The following CCDC170 variants were observed in gnomAD, a reference collection of about 807,000 sequenced individuals.
CCDC170 encodes the protein coiled-coil domain-containing protein 170.
Under a neutral mutation model 72.6 loss-of-function variants are expected in CCDC170, and 69 were observed. The ratio of observed to expected loss-of-function variants is 0.95; its 90% CI spans 0.78 to 1.16. The LOEUF (loss-of-function observed/expected upper bound fraction) is 1.16. Among genes scored for constraint, CCDC170 ranks in the 50% most tolerant of loss-of-function variants. The probability of loss-of-function intolerance (pLI) is 0.00; values close to 1 mark genes in which losing one functional copy is unlikely to be tolerated. For synonymous variants in CCDC170, 300 were observed against 303.9 expected (o/e 0.99, Z 0.13); for missense variants, 852 against 832.5 (o/e 1.02, Z -0.29).
intron 1 of CCDC170, among the ~76,000 whole-genome samples, chr6:151,535,524 A>G (rs1282989153): frequency 6.6e-6 from 1 of 152,244 alleles, no homozygotes; most frequent in Non-Finnish European, 1.5e-5. Context: ...AGCCTTTTAC[A>G]TTTATATCAC....
chr6:151,532,918 G>C, intron 1 of CCDC170, among the ~76,000 whole-genome samples: 1 of 152,216 alleles, frequency 6.6e-6, no homozygotes, highest in Non-Finnish European at 1.5e-5. Context: ...GTCTGTGTTT[G>C]TCTGTAGGCA....
At chr6:151,592,191 C>G (rs1776550202) in intron 7 of CCDC170, among the ~76,000 whole-genome samples, 1 of 152,036 alleles carries the variant, frequency 6.6e-6, no homozygotes, top group Non-Finnish European at 1.5e-5. Context: ...AACCCCGTCT[C>G]TGCTAAAAAT....
intron 1 of CCDC170, among the ~76,000 whole-genome samples, chr6:151,510,000 G>A (rs1782125943): frequency 6.6e-6 from 1 of 152,206 alleles, no homozygotes; most frequent in African/African-American, 2.4e-5. Context: ...GTGCGCGCCT[G>A]TAATCCCAGC....
At chr6:151,581,127 G>A (rs1182955838) in intron 6 of CCDC170, among the ~76,000 whole-genome samples, 2 of 152,132 alleles carry the variant, frequency 1.3e-5, no homozygotes, top group East Asian at 1.9e-4. Flanking sequence ...GGTGGCTGTG[G>A]CAATTTCTTA....
chr6:151,534,241 G>A (rs6923538), intron 1 of CCDC170, among the ~76,000 whole-genome samples: 69,582 of 151,472 alleles, frequency 0.46, 18,419 homozygotes, highest in Non-Finnish European at 0.6. Flanking sequence ...ATTTTTTGTA[G>A]AGATGGGGTC....
At position 151,618,197 on chromosome 6, in the gene CCDC170, C is replaced by T. The variant is rs1777000933; in HGVS notation, c.*50C>T. On this transcript the variant is annotated 3_prime_UTR_variant, in exon 11 of 11. Coordinates refer to ENST00000239374, the MANE Select transcript of CCDC170 (RefSeq NM_025059.4). Reference sequence around the variant, plus strand: ...GCCATAAGACATGGCACACAATTCCCAATTTCACAAATTCCTCATGTCTTT... The same window carrying T: ...GCCATAAGACATGGCACACAATTCCTAATTTCACAAATTCCTCATGTCTTT... 1 of 1,452,442 alleles carries T rather than the reference C, an allele frequency of 6.9e-7. No homozygotes were observed. Among genetic ancestry groups the T allele is most frequent in the Non-Finnish European group, 9.6e-7 (1 of 1,043,446 alleles). 90.0% of individuals were successfully genotyped at this position (1,452,442 alleles called of 1,614,324 possible).
chr6:151,576,382 G>A (rs1430784755), intron 6 of CCDC170, among the ~76,000 whole-genome samples: 1 of 152,012 alleles, frequency 6.6e-6, no homozygotes, highest in East Asian at 1.9e-4. Flanking sequence ...ATTCGTCGAG[G>A]AGCATCTGTA....
At chr6:151,602,796 T>A (rs1207454240) in intron 9 of CCDC170, among the ~76,000 whole-genome samples, 2 of 151,010 alleles carry the variant, frequency 1.3e-5, no homozygotes, top group East Asian at 3.9e-4. Flanking sequence ...TCTCAGATAT[T>A]TCTTTCTTTT....
chr6:151,510,217 C>A (rs1039411376), intron 1 of CCDC170, among the ~76,000 whole-genome samples: 5 of 152,190 alleles, frequency 3.3e-5, no homozygotes, highest in Non-Finnish European at 4.4e-5. Context: ...GGTTTGAATT[C>A]TTACTGTGTC....
At chr6:151,548,084 T>C (rs9383923) in intron 4 of CCDC170, among the ~76,000 whole-genome samples, 116,969 of 152,166 alleles carry the variant, frequency 0.77, 47,511 homozygotes, top group East Asian at 0.98. Context: ...TTGGCTTCAT[T>C]ATCCTTGCCT....
chr6:151,601,326 A>G (rs1776705523), intron 9 of CCDC170, among the ~76,000 whole-genome samples: 1 of 152,188 alleles, frequency 6.6e-6, no homozygotes, highest in African/African-American at 2.4e-5. Context: ...GAATTATGGG[A>G]GCTACAATTC....
chr6:151,497,565 G>A (rs1018933059), intron 1 of CCDC170, among the ~76,000 whole-genome samples: 13 of 152,118 alleles, frequency 8.5e-5, no homozygotes, highest in Admixed American at 6.6e-4. Context: ...GCAATATTAT[G>A]AGAATTGAAG....
chr6:151,572,413 G>T (rs1478897806), intron 5 of CCDC170, among the ~76,000 whole-genome samples: 1 of 152,086 alleles, frequency 6.6e-6, no homozygotes, highest in African/African-American at 2.4e-5. Flanking sequence ...ATAATTGTTA[G>T]TGCCTAGCTA....
chr6:151,606,750 T>A (rs1159636535), intron 9 of CCDC170, among the ~76,000 whole-genome samples: 2 of 152,220 alleles, frequency 1.3e-5, no homozygotes, highest in Non-Finnish European at 2.9e-5. Flanking sequence ...TATAATGGAA[T>A]TTATCTCTCT....
At chr6:151,527,656 C>T (rs1046925103) in intron 1 of CCDC170, among the ~76,000 whole-genome samples, 8 of 151,754 alleles carry the variant, frequency 5.3e-5, no homozygotes, top group African/African-American at 1.9e-4. Flanking sequence ...CCACTGGAAG[C>T]TTGGTGGGGG....
At chr6:151,509,521 T>C (rs1442637992) in intron 1 of CCDC170, among the ~76,000 whole-genome samples, 1 of 152,216 alleles carries the variant, frequency 6.6e-6, no homozygotes, top group African/African-American at 2.4e-5. Context: ...CTTGAACAGA[T>C]ATTTTTAAGC....
chr6:151,611,661 G>T (rs1175838660), intron 9 of CCDC170, among the ~76,000 whole-genome samples: 3 of 152,156 alleles, frequency 2.0e-5, no homozygotes, highest in Non-Finnish European at 4.4e-5. Flanking sequence ...TGTAGCAAAA[G>T]AAGTTTTGTG....
At chr6:151,536,773 C>CAAAAAAAAAAAAAAA (rs55663799) in intron 2 of CCDC170, among the ~76,000 whole-genome samples, 3 of 79,246 alleles carry the variant, frequency 3.8e-5, no homozygotes, top group Non-Finnish European at 6.6e-5. Context: ...GACTCCATCT[C>CAAAAAAAAAAAAAAA]AAAAAAAAAA....
intron 7 of CCDC170, among the ~76,000 whole-genome samples, chr6:151,588,777 CA>C (rs766325635): frequency 6.6e-6 from 1 of 151,770 alleles, no homozygotes; most frequent in Admixed American, 6.6e-5. Context: ...CCCATCTCTA[CA>C]AAAAACACAA....
Sources: gnomAD v4.1 joint callset for allele counts (sites outside exome capture counted in the v4.1 genomes callset) on GRCh38, gnomAD v4.1.1 for gene constraint, MANE v1.5 for transcripts, NCBI Gene and HGNC (gene_info 2026-07-23, HGNC 2026-07-21) for gene names.